Variants in SOBP observed in about 807,000 individuals in gnomAD.
The protein encoded by SOBP is sine oculis binding protein homolog.
SOBP carries 4 observed loss-of-function variants against 53.6 expected under a neutral mutation model. The ratio of observed to expected loss-of-function variants is 0.07; its 90% confidence interval spans 0.04 to 0.17. The LOEUF (loss-of-function observed/expected upper bound fraction) is 0.17, where lower values mean the gene tolerates loss of function less well. SOBP is among the 10% of genes least tolerant of loss of function. SOBP has a pLI of 1.00. For missense variants in SOBP, 1,088 were observed against 1,204.7 expected, an observed-to-expected ratio of 0.90 and a Z score of 1.43; for synonymous variants, 584 against 522.6, an observed-to-expected ratio of 1.12 and a Z score of -1.60.
At chr6:107,536,124 T>C (rs1163758048) in intron 4 of SOBP, among the ~76,000 whole-genome samples, 1 of 152,158 alleles carries the variant, frequency 6.6e-6, no homozygotes, top group Non-Finnish European at 1.5e-5. Flanking sequence ...GAATTTTGCC[T>C]TAGGTATAGT....
intron 3 of SOBP, among the ~76,000 whole-genome samples, chr6:107,517,270 G>A (rs1783349145): frequency 1.3e-5 from 2 of 152,196 alleles, no homozygotes; most frequent in Non-Finnish European, 2.9e-5. Flanking sequence ...CATAGACTGG[G>A]TAGCTTAAAC....
Position 107,533,460 on chromosome 6 carries a change from AGAT to A in SOBP, c.428_430del (p.Asp143del). 1 of 1,614,094 alleles carries A rather than the reference AGAT, an allele frequency of 6.2e-7. No homozygotes were observed. The highest frequency in any genetic ancestry group is 8.5e-7 in the Non-Finnish European group (1 of 1,179,986). ...ATTTTTCTTATACTTTTATTATAGAAGATGATGTGTCAAATGTACAAATAATGT... is the reference window on the plus strand; with the variant it reads ...ATTTTTCTTATACTTTTATTATAGAAGATGTGTCAAATGTACAAATAATGT... On this transcript the variant is annotated inframe_deletion and splice_region_variant, in exon 4 of 7. Coordinates refer to ENST00000317357, the MANE Select transcript of SOBP (RefSeq NM_018013.4).
At chr6:107,576,108 G>T (rs571501745) in intron 4 of SOBP, among the ~76,000 whole-genome samples, 1 of 152,146 alleles carries the variant, frequency 6.6e-6, no homozygotes, top group South Asian at 2.1e-4. Context: ...TAGCACCTCC[G>T]TTAACAGGTC....
chr6:107,536,028 A>AT (rs1202974320), intron 4 of SOBP, among the ~76,000 whole-genome samples: 1 of 151,906 alleles, frequency 6.6e-6, no homozygotes, highest in Non-Finnish European at 1.5e-5. Context: ...TACATAACAG[A>AT]TTTTTTTTCT....
chr6:107,634,752 G>A lies in SOBP; in HGVS notation c.1908G>A (p.Ala636=), dbSNP rs1206901596. Reference sequence around the variant, plus strand: ...GCAGCCCCCCGGGCCCCCCGGGCGCGGGCGGCCAGCTCGGCTTCCCAGGCG... The same window carrying A: ...GCAGCCCCCCGGGCCCCCCGGGCGCAGGCGGCCAGCTCGGCTTCCCAGGCG... ...RAGSPPGPPG[A]GGQLGFPGVL... is the part of the protein sequence containing the mutation. Residue 636 remains alanine, a synonymous_variant, in exon 6 of 7, where the codon GCG becomes GCA. Coordinates refer to ENST00000317357, the MANE Select transcript of SOBP (RefSeq NM_018013.4). This position sits in a 1 kb window ranked among gnomAD's most constrained non-coding sequence, Gnocchi z 4.5. 7.5e-7 allele frequency: 1 copy of A among 1,333,980 alleles called. No individual in the cohort carries two copies. 82.6% of individuals were successfully genotyped at this position (1,333,980 alleles called of 1,614,324 possible). A position where few individuals can be genotyped will look rare whatever the true frequency, so the allele number is the denominator to read the frequency against.
chr6:107,509,412 A>C (rs1783097975), intron 3 of SOBP, among the ~76,000 whole-genome samples: 1 of 150,358 alleles, frequency 6.7e-6, no homozygotes, highest in South Asian at 2.1e-4. Context: ...AAAAAAAAAC[A>C]AAACAAAAAA....
chr6:107,490,486 G>T lies in SOBP; in HGVS notation c.-131G>T. On this transcript the variant is annotated 5_prime_UTR_variant, in exon 1 of 7. Transcript: ENST00000317357. ...GCCCTCCCCCTCGCGGCTCGGTCCG[G>T]CCCCGCCAGCACCGCTACCTCCGCC... 1.5e-6 allele frequency: 1 copy of T among 686,156 alleles called. No homozygotes were observed. Among genetic ancestry groups the T allele is most frequent in the East Asian group, 2.8e-5 (1 of 35,498 alleles). 42.5% of individuals were successfully genotyped at this position (686,156 alleles called of 1,614,324 possible).
At chr6:107,628,650 CTG>C (rs984091466) in intron 5 of SOBP, among the ~76,000 whole-genome samples, 2 of 152,204 alleles carry the variant, frequency 1.3e-5, no homozygotes, top group Non-Finnish European at 2.9e-5. Context: ...GATAAAGAAA[CTG>C]AGGCTGAGAT....
chr6:107,577,950 T>C (rs1240354180), intron 4 of SOBP, among the ~76,000 whole-genome samples: 2 of 151,746 alleles, frequency 1.3e-5, no homozygotes, highest in Non-Finnish European at 2.9e-5. Flanking sequence ...GGCAGATGCC[T>C]ATAGTCCCAG....
intron 1 of SOBP, among the ~76,000 whole-genome samples, chr6:107,495,901 G>A (rs568709139): frequency 4.5e-4 from 69 of 152,086 alleles, no homozygotes; most frequent in African/African-American, 1.6e-3. Context: ...TCCTCTTGTG[G>A]AATGGGAATT....
intron 4 of SOBP, among the ~76,000 whole-genome samples, chr6:107,546,809 A>G (rs74624776): frequency 0.023 from 3,466 of 152,340 alleles, 134 homozygotes; most frequent in African/African-American, 0.076. Context: ...CAAAAAAGTA[A>G]GGTAAGTTGT....
intron 5 of SOBP, among the ~76,000 whole-genome samples, chr6:107,597,762 A>G (rs772743488): frequency 4.6e-5 from 7 of 152,202 alleles, no homozygotes; most frequent in African/African-American, 1.4e-4. Context: ...AGCTGCATCA[A>G]TGGAGACAGC....
At chr6:107,600,624 T>C (rs1322329697) in intron 5 of SOBP, among the ~76,000 whole-genome samples, 1 of 152,192 alleles carries the variant, frequency 6.6e-6, no homozygotes, top group Non-Finnish European at 1.5e-5. Flanking sequence ...AGGACACTGA[T>C]GGTTGGAGCT....
rs779707729 is a variant in SOBP at position 107,506,298 on chromosome 6, A to G, written c.292A>G (p.Ile98Val). 8.7e-6 allele frequency: 14 copies of G among 1,614,114 alleles called. No homozygotes were observed. Among genetic ancestry groups the G allele is most frequent in the South Asian group, 4.4e-5 (4 of 91,090 alleles). The change falls in exon 3 of 7, where the codon ATA (isoleucine) becomes GTA (valine). Residue 98 changes from isoleucine to valine, a missense_variant. Coordinates refer to ENST00000317357, the MANE Select transcript of SOBP (RefSeq NM_018013.4). ...GGACAGTGTTATTTCACCATACAATATAAGCACAGGCTATTCAGGGCTTGC... is the reference window on the plus strand; with the variant it reads ...GGACAGTGTTATTTCACCATACAATGTAAGCACAGGCTATTCAGGGCTTGC... ...PEDSVISPYN[I>V]STGYSGLATG...
In SOBP at chr6:107,634,897, G is replaced by T; in HGVS notation, c.2053G>T (p.Ala685Ser). The T allele has an allele frequency of 7.7e-7, 1 of 1,298,458 alleles. No individual in the cohort carries two copies. Among genetic ancestry groups the T allele is most frequent in the Non-Finnish European group, 9.9e-7 (1 of 1,013,038 alleles). The allele number at this position is 1,298,458 out of a possible 1,614,324, so 80.4% of individuals were successfully genotyped here. ...HVKAEREPSA[A>S]ERRTCGGCRD... is the part of the protein sequence containing the mutation. The stretch of plus-strand genomic sequence containing the variant: ...CAAGGCGGAGCGCGAGCCGAGCGCC[G>T]CGGAGCGCAGGACCTGCGGCGGCTG... Residue 685 changes from alanine (A) to serine (S), a missense_variant, in exon 6 of 7, where the codon GCG becomes TCG. Ala to Ser is a moderately conservative substitution (Grantham distance 99). Coordinates refer to ENST00000317357, the MANE Select transcript of SOBP (RefSeq NM_018013.4). This position sits in a 1 kb window ranked among gnomAD's most constrained non-coding sequence, Gnocchi z 4.5.
chr6:107,560,334 G>C (rs546217189), intron 4 of SOBP, among the ~76,000 whole-genome samples: 5 of 152,138 alleles, frequency 3.3e-5, no homozygotes, highest in Non-Finnish European at 7.4e-5. Flanking sequence ...ACAGGGGTCT[G>C]TTACAGGACT....
intron 4 of SOBP, among the ~76,000 whole-genome samples, chr6:107,578,648 T>C (rs1318071126): frequency 6.6e-6 from 1 of 152,172 alleles, no homozygotes; most frequent in East Asian, 1.9e-4. Context: ...ATTAAATGAG[T>C]TGATACATAT....
At chr6:107,648,033 A>C (rs1208451573) in intron 6 of SOBP, among the ~76,000 whole-genome samples, 2 of 152,118 alleles carry the variant, frequency 1.3e-5, no homozygotes, top group Non-Finnish European at 2.9e-5. Context: ...TCTCTCTGCT[A>C]ATGGGCTGGT....
chr6:107,591,079 A>C (rs1208375358), intron 5 of SOBP, among the ~76,000 whole-genome samples: 1 of 152,184 alleles, frequency 6.6e-6, no homozygotes, highest in African/African-American at 2.4e-5. Context: ...TGGACTTTAT[A>C]CACTGTCATC....
Sources: allele counts gnomAD v4.1 joint callset (sites outside exome capture counted in the v4.1 genomes callset), GRCh38; gene constraint gnomAD v4.1.1; non-coding constraint Gnocchi (gnomAD v3.1); transcripts MANE v1.5; gene names NCBI Gene and HGNC (gene_info 2026-07-23, HGNC 2026-07-21).